Variants in KCNA2 observed in about 807,000 individuals in gnomAD.
The protein encoded by KCNA2 is potassium channel, voltage gated shaker related subfamily A, member 2.
A neutral mutation model predicts 33.4 loss-of-function variants in KCNA2; 11 were observed. That is an observed-to-expected ratio of 0.33 (90% CI 0.21 to 0.55). KCNA2 has a LOEUF of 0.55. Among genes scored for constraint, KCNA2 ranks in the 20% least tolerant of loss-of-function variants. The pLI is 0.93. For synonymous variants in KCNA2, 222 were observed against 231.3 expected (o/e 0.96, Z 0.37); for missense variants, 291 against 621.6 (o/e 0.47, Z 5.66).
chr1:110,602,069 A>G lies in KCNA2; in HGVS notation c.*1214T>C. ...GACCAGATGCCCTGGTCCACTGTACAGTCATGCCCGCGACTAGGTTAATTC... is the reference window on the plus strand; with the variant it reads ...GACCAGATGCCCTGGTCCACTGTACGGTCATGCCCGCGACTAGGTTAATTC... On this transcript the variant is annotated 3_prime_UTR_variant, in exon 3 of 3. Transcript: ENST00000316361. 2 of 1,550,552 alleles carry G rather than the reference A, an allele frequency of 1.3e-6. No individual in the cohort carries two copies. Among genetic ancestry groups the G allele is most frequent in the East Asian group, 4.9e-5 (2 of 40,920 alleles).
At chr1:110,619,423 A>G (rs1276682555) in intron 1 of KCNA2, among the ~76,000 whole-genome samples, 1 of 152,220 alleles carries the variant, frequency 6.6e-6, no homozygotes, top group Non-Finnish European at 1.5e-5. Flanking sequence ...TCCCAAGGGT[A>G]TGGCTGGTTC....
chr1:110,604,172 G>C lies in KCNA2; in HGVS notation c.611C>G (p.Thr204Ser), dbSNP rs1421276694. The C allele has an allele frequency of 3.1e-6, 5 of 1,614,188 alleles. No individual in the cohort carries two copies. In the South Asian group the frequency reaches 5.5e-5, roughly 18 times the overall value. ...GTACCCGATGGTGCTGTTGGAATAGGTGTGGAAGGTCACCCCACTACCATG... is the reference window on the plus strand; with the variant it reads ...GTACCCGATGGTGCTGTTGGAATAGCTGTGGAAGGTCACCCCACTACCATG... ...DMHGSGVTFHTYSNSTIGYQQ... is the reference protein window; with the variant it reads ...DMHGSGVTFHSYSNSTIGYQQ... The change falls in exon 3 of 3, where the codon ACC becomes AGC. Residue 204 changes from threonine (T) to serine (S), a missense_variant. Around this residue, in one of 5 missense-constraint regions of KCNA2, gnomAD observed 163 missense variants for 273.5 expected, o/e 0.60. Coordinates refer to ENST00000316361, the MANE Select transcript of KCNA2 (RefSeq NM_004974.4). The surrounding 1 kb of genome is among the most constrained non-coding windows in gnomAD (Gnocchi z 7.6).
Position 110,600,503 on chromosome 1 carries a change from C to G in KCNA2, c.*2780G>C. 1 of 984,944 alleles carries G rather than the reference C, an allele frequency of 1.0e-6. No individual in the cohort carries two copies. The highest frequency in any genetic ancestry group is 1.2e-6 in the Non-Finnish European group (1 of 829,758). The allele number at this position is 984,944 out of a possible 1,614,324, so 61.0% of individuals were successfully genotyped here. On this transcript the variant is annotated 3_prime_UTR_variant, in exon 3 of 3. Transcript: ENST00000316361. ...ATATACAATTATAACCATATATCTT[C>G]TGTGTTTGCTTTTATGTTAACCTGG...
At chr1:110,619,949 G>A (rs1650197629) in intron 1 of KCNA2, among the ~76,000 whole-genome samples, 1 of 152,052 alleles carries the variant, frequency 6.6e-6, no homozygotes, top group African/African-American at 2.4e-5. Context: ...TAACGTCCTA[G>A]GAGACCACCT....
chr1:110,595,023 C>T lies in KCNA2; in HGVS notation c.*8260G>A, dbSNP rs935416742. On this transcript the variant is annotated 3_prime_UTR_variant, in exon 3 of 3. Transcript: ENST00000316361. ...TATTCACTCATACAAACAAGGCATTCGGTGTCTAGGGAATCATTTTCAAGG... is the reference window on the plus strand; with the variant it reads ...TATTCACTCATACAAACAAGGCATTTGGTGTCTAGGGAATCATTTTCAAGG... The T allele has an allele frequency of 1.8e-5, 18 of 985,346 alleles. No homozygotes were observed. The highest frequency in any genetic ancestry group is 1.7e-4 in the African/African-American group (10 of 57,318). The allele number at this position is 985,346 out of a possible 1,614,324, so 61.0% of individuals were successfully genotyped here. A position where few individuals can be genotyped will look rare whatever the true frequency, so the allele number is the denominator to read the frequency against.
Position 110,601,229 on chromosome 1 carries a change from G to A in KCNA2, c.*2054C>T. Reference sequence around the variant, plus strand: ...TCTGGAGATCAAAATGATGCCTTTGGATCATCTAGGGACTCCATCACTTAG... The same window carrying A: ...TCTGGAGATCAAAATGATGCCTTTGAATCATCTAGGGACTCCATCACTTAG... On this transcript the variant is annotated 3_prime_UTR_variant, in exon 3 of 3. Coordinates refer to ENST00000316361, the MANE Select transcript of KCNA2 (RefSeq NM_004974.4). 1 of 985,310 alleles carries A rather than the reference G, an allele frequency of 1.0e-6. No homozygotes were observed. Among genetic ancestry groups the A allele is most frequent in the Non-Finnish European group, 1.2e-6 (1 of 829,862 alleles). 61.0% of individuals were successfully genotyped at this position (985,310 alleles called of 1,614,324 possible).
intron 1 of KCNA2, among the ~76,000 whole-genome samples, chr1:110,625,030 C>T (rs1243268764): frequency 6.6e-6 from 1 of 152,208 alleles, no homozygotes; most frequent in Non-Finnish European, 1.5e-5. Flanking sequence ...GACTTCATCT[C>T]CAAGTCTTGG....
Position 110,600,766 on chromosome 1 carries a change from G to A in KCNA2, c.*2517C>T. 1.0e-6 allele frequency: 1 copy of A among 985,418 alleles called. No individual in the cohort carries two copies. Among genetic ancestry groups the A allele is most frequent in the Non-Finnish European group, 1.2e-6 (1 of 829,936 alleles). 61.0% of individuals were successfully genotyped at this position (985,418 alleles called of 1,614,324 possible). On this transcript the variant is annotated 3_prime_UTR_variant, in exon 3 of 3. Transcript: ENST00000316361. ...GAAATTCAGCACCACCTCCCATGAAGGAGAGGAAGAGAAGCACAGAGGCTT... is the reference window on the plus strand; with the variant it reads ...GAAATTCAGCACCACCTCCCATGAAAGAGAGGAAGAGAAGCACAGAGGCTT...
At chr1:110,623,961 A>G (rs1650325141) in intron 1 of KCNA2, among the ~76,000 whole-genome samples, 1 of 152,102 alleles carries the variant, frequency 6.6e-6, no homozygotes, top group African/African-American at 2.4e-5. Context: ...ATATCACTAC[A>G]CACTACAAAA....
At chr1:110,629,714 G>A (rs940926952) in intron 1 of KCNA2, among the ~76,000 whole-genome samples, 11 of 152,234 alleles carry the variant, frequency 7.2e-5, no homozygotes, top group African/African-American at 2.4e-4. Flanking sequence ...CCTGTTTGTG[G>A]CATAAATGTG....
intron 1 of KCNA2, among the ~76,000 whole-genome samples, chr1:110,624,107 G>T (rs1273837467): frequency 6.6e-6 from 1 of 152,156 alleles, no homozygotes; most frequent in Non-Finnish European, 1.5e-5. Context: ...ACAAAGTTAA[G>T]CATATACCTA....
At position 110,597,890 on chromosome 1, in the gene KCNA2, G is replaced by A. The variant is rs1371842341; in HGVS notation, c.*5393C>T. The A allele has an allele frequency of 4.1e-6, 4 of 985,302 alleles. No homozygotes were observed. The highest frequency in any genetic ancestry group is 1.2e-4 in the Admixed American group (2 of 16,266). 61.0% of individuals were successfully genotyped at this position (985,302 alleles called of 1,614,324 possible). A position where few individuals can be genotyped will look rare whatever the true frequency, so the allele number is the denominator to read the frequency against. On this transcript the variant is annotated 3_prime_UTR_variant, in exon 3 of 3. Coordinates refer to ENST00000316361, the MANE Select transcript of KCNA2 (RefSeq NM_004974.4). ...GAAGGGAAGCAGAAAAAAAGGAAAA[G>A]TAAACTAGGTTAGTTTGAGGAAGAG...
At chr1:110,609,317 G>A (rs115583183), upstream of KCNA2, among the ~76,000 whole-genome samples, 2,270 of 152,252 alleles carry the variant, frequency 0.015, 71 homozygotes, top group African/African-American at 0.052. Flanking sequence ...AAAATCAATC[G>A]TCATAATTGG....
upstream of KCNA2, among the ~76,000 whole-genome samples, chr1:110,611,055 A>AGGAAGGAAGGAG (rs1251853051): frequency 1.3e-5 from 2 of 149,054 alleles, no homozygotes; most frequent in Non-Finnish European, 3.0e-5. Context: ...GAAGGAAGGA[A>AGGAAGGAAGGAG]GGAAGGAAGG....
Position 110,600,998 on chromosome 1 carries a change from G to A in KCNA2, c.*2285C>T, listed in dbSNP as rs371013719. The A allele has an allele frequency of 1.3e-4, 128 of 985,520 alleles. 1 individual carries two copies. The African/African-American group carries it at 1.8e-3, about 14-fold the overall frequency. 61.0% of individuals were successfully genotyped at this position (985,520 alleles called of 1,614,324 possible). ...CTGTTTGGGAAAATTAAGCTACTCC[G>A]TCAAAAGGCAAAGACGCCCAGTCTG... On this transcript the variant is annotated 3_prime_UTR_variant, in exon 3 of 3. Coordinates refer to ENST00000316361, the MANE Select transcript of KCNA2 (RefSeq NM_004974.4).
rs1448127729 is a variant in KCNA2 at position 110,597,115 on chromosome 1, C to T, written c.*6168G>A. 9 of 985,436 alleles carry T rather than the reference C, an allele frequency of 9.1e-6. No homozygotes were observed. The highest frequency in any genetic ancestry group is 2.3e-4 in the East Asian group (2 of 8,810). The allele number at this position is 985,436 out of a possible 1,614,324, so 61.0% of individuals were successfully genotyped here. ...TCCTTCTGCAGCTCTCACGGAGTCC[C>T]TTTGGTTGAGCAAGTCAGCTTATTT... On this transcript the variant is annotated 3_prime_UTR_variant, in exon 3 of 3. Coordinates refer to ENST00000316361, the MANE Select transcript of KCNA2 (RefSeq NM_004974.4).
chr1:110,626,753 T>C (rs1416811), intron 1 of KCNA2, among the ~76,000 whole-genome samples: 142,827 of 152,178 alleles, frequency 0.94, 67,242 homozygotes, highest in Non-Finnish European at 0.98. Flanking sequence ...TCTCAGCCCT[T>C]ACCTCTACAC....
intron 1 of KCNA2, among the ~76,000 whole-genome samples, chr1:110,613,923 C>G (rs912803321): frequency 1.3e-5 from 2 of 152,224 alleles, no homozygotes; most frequent in East Asian, 3.8e-4. Flanking sequence ...GTGCTTTAAG[C>G]TCTCCTAAGG....
At chr1:110,619,939 T>TA (rs1347027523) in intron 1 of KCNA2, among the ~76,000 whole-genome samples, 55 of 152,196 alleles carry the variant, frequency 3.6e-4, no homozygotes, top group South Asian at 6.2e-4. Flanking sequence ...CAAGCCGACT[T>TA]AACGTCCTAG....
Sources: allele counts gnomAD v4.1 joint callset (sites outside exome capture counted in the v4.1 genomes callset), GRCh38; gene constraint gnomAD v4.1.1; regional missense constraint gnomAD v4.1.1; non-coding constraint Gnocchi (gnomAD v3.1); transcripts MANE v1.5; gene names NCBI Gene and HGNC (gene_info 2026-07-23, HGNC 2026-07-21).